The following SMOC1 variants were observed in gnomAD, a reference collection of about 807,000 sequenced individuals.
SMOC1 encodes SPARC related modular calcium binding 1, also known as SPARC-related modular calcium-binding protein 1.
A neutral mutation model predicts 56.3 loss-of-function variants in SMOC1; 22 were observed. That is an observed-to-expected ratio of 0.39 (90% CI 0.28 to 0.56). The LOEUF (loss-of-function observed/expected upper bound fraction) is 0.56. SMOC1 is among the 20% of genes least tolerant of loss of function. The pLI is 0.61. For synonymous variants in SMOC1, 193 were observed against 215.0 expected (o/e 0.90, Z 0.89); for missense variants, 509 against 565.4 (o/e 0.90, Z 1.01).
intron 1 of SMOC1, among the ~76,000 whole-genome samples, chr14:69,893,753 C>G (rs529242451): frequency 6.6e-6 from 1 of 152,282 alleles, no homozygotes; most frequent in East Asian, 1.9e-4. Flanking sequence ...GTGCCATGGG[C>G]TGAATTCTAT....
intron 1 of SMOC1, among the ~76,000 whole-genome samples, chr14:69,902,522 C>A (rs1021272093): frequency 1.1e-4 from 17 of 152,134 alleles, no homozygotes; most frequent in Non-Finnish European, 2.2e-4. Context: ...GGAGACTAGG[C>A]CTTGGGGTCC....
intron 5 of SMOC1, 62 bp downstream of exon 5, chr14:69,978,027 C>G (rs935836284): frequency 7.3e-7 from 1 of 1,367,020 alleles, no homozygotes; most frequent in Non-Finnish European, 1.0e-6. Context: ...AGCAGGATTT[C>G]TTAGATGAGA....
intron 1 of SMOC1, among the ~76,000 whole-genome samples, chr14:69,938,363 G>A (rs186942941): frequency 2.6e-5 from 4 of 152,198 alleles, no homozygotes; most frequent in Admixed American, 6.5e-5. Context: ...GGGAACAGTC[G>A]GTGGTAAAAG....
intron 1 of SMOC1, among the ~76,000 whole-genome samples, chr14:69,940,033 C>T (rs563392240): frequency 6.6e-6 from 1 of 152,318 alleles, no homozygotes; most frequent in Non-Finnish European, 1.5e-5. Flanking sequence ...CAGAATCTCT[C>T]AAGGGGAACT....
chr14:69,907,457 A>G (rs1884440400), intron 1 of SMOC1, among the ~76,000 whole-genome samples: 2 of 152,178 alleles, frequency 1.3e-5, no homozygotes, highest in African/African-American at 2.4e-5. Context: ...TCTTCTACCC[A>G]TTGATCCTAG....
At chr14:70,009,654 T>C (rs1163423449) in intron 7 of SMOC1, among the ~76,000 whole-genome samples, 1 of 152,174 alleles carries the variant, frequency 6.6e-6, no homozygotes, top group African/African-American at 2.4e-5. Context: ...AGTAGGTAAA[T>C]AAACAAGTAA....
At chr14:69,973,364 T>C (rs12885763) in intron 3 of SMOC1, among the ~76,000 whole-genome samples, 53,895 of 152,094 alleles carry the variant, frequency 0.35, 10,032 homozygotes, top group African/African-American at 0.45. Flanking sequence ...GTTATCCCCA[T>C]TTTATAGATG....
chr14:69,982,776 C>A (rs924330348), intron 5 of SMOC1, among the ~76,000 whole-genome samples: 12 of 152,210 alleles, frequency 7.9e-5, no homozygotes, highest in African/African-American at 2.9e-4. Context: ...TTAGCATTGC[C>A]ATCAGGTGGG....
chr14:69,973,125 A>G (rs919867708), intron 3 of SMOC1, among the ~76,000 whole-genome samples: 1 of 152,224 alleles, frequency 6.6e-6, no homozygotes, highest in Admixed American at 6.5e-5. Context: ...AACTGTCTTT[A>G]GGAAATATCC....
rs922625392 is a variant in SMOC1 at position 69,923,133 on chromosome 14, G to C, written c.100-29005G>C. On this transcript the variant is annotated intron_variant, in intron 1 of 11. Coordinates refer to ENST00000361956, the MANE Select transcript of SMOC1 (RefSeq NM_001034852.3). ...CTAATTTTTTGTATTTTTTAGTAGA[G>C]ACGGGGTTTCACAGTGTTAGCCAGG... Among the ~76,000 whole-genome samples, 3 of 151,826 alleles carry C rather than the reference G, an allele frequency of 2.0e-5. No homozygotes were observed. In the East Asian group the frequency reaches 5.8e-4, roughly 30 times the overall value.
intron 1 of SMOC1, among the ~76,000 whole-genome samples, chr14:69,940,916 C>T (rs1259563787): frequency 6.6e-6 from 1 of 152,020 alleles, no homozygotes; most frequent in African/African-American, 2.4e-5. Flanking sequence ...CCTCTGCTTC[C>T]CTAGTATTTA....
intron 1 of SMOC1, among the ~76,000 whole-genome samples, chr14:69,926,796 A>G (rs1473055301): frequency 1.3e-5 from 2 of 152,232 alleles, no homozygotes; most frequent in African/African-American, 4.8e-5. Context: ...GGTGAAAAGT[A>G]TGTTGGAGTC....
At chr14:69,927,763 T>C (rs1885049900) in intron 1 of SMOC1, among the ~76,000 whole-genome samples, 1 of 152,162 alleles carries the variant, frequency 6.6e-6, no homozygotes, top group Non-Finnish European at 1.5e-5. Flanking sequence ...CAGCCATTGC[T>C]CTGGTTTTCT....
chr14:70,010,668 C>A, intron 7 of SMOC1, 86 bp from the exon 8 acceptor site: 2 of 1,435,586 alleles, frequency 1.4e-6, no homozygotes, highest in Non-Finnish European at 2.0e-6. Flanking sequence ...CTGGTCCTTG[C>A]TACTTACTTT....
At chr14:70,029,608 C>T (rs775873697) in intron 11 of SMOC1, among the ~76,000 whole-genome samples, 3 of 152,192 alleles carry the variant, frequency 2.0e-5, no homozygotes, top group African/African-American at 4.8e-5. Context: ...ACCCAGCATA[C>T]GGAAGAAGGT....
intron 1 of SMOC1, among the ~76,000 whole-genome samples, chr14:69,920,277 A>G (rs757929488): frequency 5.3e-5 from 8 of 152,264 alleles, no homozygotes; most frequent in Non-Finnish European, 1.2e-4. Context: ...GTGAACCCCA[A>G]AATGTGATCC....
At chr14:69,988,148 G>A (rs1424023870) in intron 5 of SMOC1, among the ~76,000 whole-genome samples, 1 of 152,202 alleles carries the variant, frequency 6.6e-6, no homozygotes, top group African/African-American at 2.4e-5. Context: ...GTTGCAAAGT[G>A]TGGTAATACT....
At chr14:69,964,846 C>T (rs1250571774) in intron 3 of SMOC1, among the ~76,000 whole-genome samples, 1 of 152,044 alleles carries the variant, frequency 6.6e-6, no homozygotes, top group Non-Finnish European at 1.5e-5. Context: ...GTAGCTTGCC[C>T]AGGGTCTCAC....
At chr14:70,016,789 C>G (rs1432029854) in intron 10 of SMOC1, among the ~76,000 whole-genome samples, 1 of 152,194 alleles carries the variant, frequency 6.6e-6, no homozygotes, top group African/African-American at 2.4e-5. Context: ...GTCAGTTGCT[C>G]CTAGAATTCA....
Sources: gnomAD v4.1 joint callset for allele counts (sites outside exome capture counted in the v4.1 genomes callset) on GRCh38, gnomAD v4.1.1 for gene constraint, MANE v1.5 for transcripts, NCBI Gene and HGNC (gene_info 2026-07-23, HGNC 2026-07-21) for gene names.